The following OTUB2 variants were observed in gnomAD, a reference collection of about 807,000 sequenced individuals.
OTUB2 encodes the protein ubiquitin thioesterase OTUB2.
OTUB2 carries 21 observed loss-of-function variants against 25.1 expected under a neutral mutation model. The observed-to-expected ratio is 0.84, with a 90% CI of 0.59 to 1.21. OTUB2 has a LOEUF of 1.21. Among genes scored for constraint, OTUB2 ranks in the 50% most tolerant of loss-of-function variants. The pLI is 0.00. For missense variants in OTUB2, 283 were observed against 298.0 expected, an observed-to-expected ratio of 0.95 and a Z score of 0.37; for synonymous variants, 122 against 122.8, an observed-to-expected ratio of 0.99 and a Z score of 0.04.
At chr14:94,044,840 G>A in intron 5 of OTUB2, 60 bp downstream of exon 5, 2 of 1,523,054 alleles carry the variant, frequency 1.3e-6, no homozygotes, top group Non-Finnish European at 1.8e-6. Context: ...CTGTCCTGCA[G>A]ACTTCAGCAC....
chr14:94,032,328 A>G (rs1038701118), intron 1 of OTUB2, among the ~76,000 whole-genome samples: 1 of 152,214 alleles, frequency 6.6e-6, no homozygotes, highest in African/African-American at 2.4e-5. Context: ...GGAAAAAAAT[A>G]TCCAGAATAT....
intron 3 of OTUB2, among the ~76,000 whole-genome samples, chr14:94,042,609 T>C (rs1885185228): frequency 6.6e-6 from 1 of 152,088 alleles, no homozygotes; most frequent in Admixed American, 6.5e-5. Flanking sequence ...CTGCAGCTGC[T>C]TCCTGGAGCT....
intron 3 of OTUB2, 128 bp from the exon 4 acceptor site, chr14:94,043,843 G>A (rs1404350613): frequency 7.4e-6 from 6 of 806,194 alleles, no homozygotes; most frequent in African/African-American, 5.0e-5. Flanking sequence ...GGGCAGGGGC[G>A]GGAGGTTCTG....
chr14:94,031,378 C>A lies in OTUB2; in HGVS notation c.3+4838C>A, dbSNP rs574394141. ...GTCCATAGTGCTGGGCCCATGGCTG[C>A]GGGCTGCTTGAGGAGTCCTTAGGTA... On this transcript the variant is annotated intron_variant, in intron 1 of 5. Coordinates refer to ENST00000203664, the MANE Select transcript of OTUB2 (RefSeq NM_023112.4). Among the ~76,000 whole-genome samples, 47 of 152,294 alleles carry A rather than the reference C, an allele frequency of 3.1e-4. No individual in the cohort carries two copies. In the South Asian group the frequency reaches 8.7e-3, roughly 28 times the overall value.
Position 94,048,444 on chromosome 14 carries a change from T to G in OTUB2, c.*2522T>G, listed in dbSNP as rs1162957060. The G allele has an allele frequency of 6.6e-6, 1 of 152,308 alleles. No individual in the cohort carries two copies. The highest frequency in any genetic ancestry group is 1.9e-4 in the East Asian group (1 of 5,190). The allele number at this position is 152,308 out of a possible 1,614,324, so 9.4% of individuals were successfully genotyped here. ...AGCTCTGGAGCCAGAATGCCAGGGTTCTAACTTCAGCATTCACTTACTAGC... is the reference window on the plus strand; with the variant it reads ...AGCTCTGGAGCCAGAATGCCAGGGTGCTAACTTCAGCATTCACTTACTAGC... On this transcript the variant is annotated 3_prime_UTR_variant, in exon 6 of 6. Coordinates refer to ENST00000203664, the MANE Select transcript of OTUB2 (RefSeq NM_023112.4).
intron 3 of OTUB2, among the ~76,000 whole-genome samples, chr14:94,042,033 T>C (rs1885170676): frequency 6.6e-6 from 1 of 152,190 alleles, no homozygotes; most frequent in Non-Finnish European, 1.5e-5. Context: ...AGGCAGACAC[T>C]TGTTCTCTGC....
chr14:94,028,147 C>T (rs921818931), intron 1 of OTUB2, among the ~76,000 whole-genome samples: 3 of 152,202 alleles, frequency 2.0e-5, no homozygotes, highest in Non-Finnish European at 4.4e-5. Context: ...CACCCCTCAC[C>T]GGGGGCTTGG....
chr14:94,026,632 G>A (rs555946819), intron 1 of OTUB2, 92 bp downstream of exon 1: 2 of 1,193,524 alleles, frequency 1.7e-6, no homozygotes, highest in Middle Eastern at 3.2e-4. Flanking sequence ...CGGGACGGGG[G>A]TCGGACGCGA....
Position 94,046,131 on chromosome 14 carries a change from GCTTT to G in OTUB2, c.*212_*215del, listed in dbSNP as rs1885271308. 4.6e-6 allele frequency: 3 copies of G among 648,010 alleles called. No homozygotes were observed. The East Asian group carries it at 8.2e-5, about 18-fold the overall frequency. 40.1% of individuals were successfully genotyped at this position (648,010 alleles called of 1,614,324 possible). A position where few individuals can be genotyped will look rare whatever the true frequency, so the allele number is the denominator to read the frequency against. Reference sequence around the variant, plus strand: ...TATTTATTTTAATGGAGGGACAAATGCTTTCTAACTGGGCCCCCGACTCCGCACC... The same window carrying G: ...TATTTATTTTAATGGAGGGACAAATGCTAACTGGGCCCCCGACTCCGCACC... On this transcript the variant is annotated 3_prime_UTR_variant, in exon 6 of 6. Transcript: ENST00000203664.
chr14:94,044,690 C>T lies in OTUB2; in HGVS notation c.408C>T (p.Arg136=). ...SASDHIVQFL[R]LLTSAFIRNR... ...CGGACCACATCGTGCAGTTCCTGCGCCTGCTCACGTCGGCCTTCATCAGGA... is the reference window on the plus strand; with the variant it reads ...CGGACCACATCGTGCAGTTCCTGCGTCTGCTCACGTCGGCCTTCATCAGGA... The change falls in exon 5 of 6, where the codon CGC becomes CGT. Residue 136 remains arginine (R), a synonymous_variant. Transcript: ENST00000203664. 6.2e-7 allele frequency: 1 copy of T among 1,614,208 alleles called. No individual in the cohort carries two copies. Among genetic ancestry groups the T allele is most frequent in the Non-Finnish European group, 8.5e-7 (1 of 1,180,040 alleles).
At chr14:94,035,363 C>T (rs1885035227) in intron 1 of OTUB2, among the ~76,000 whole-genome samples, 1 of 144,292 alleles carries the variant, frequency 6.9e-6, no homozygotes, top group African/African-American at 2.6e-5. Flanking sequence ...AATCTTGGCT[C>T]ACTACAACCT....
intron 1 of OTUB2, among the ~76,000 whole-genome samples, chr14:94,027,189 C>A (rs1464100111): frequency 3.3e-5 from 5 of 152,346 alleles, no homozygotes. Context: ...ACCCTCTGAG[C>A]CAGGCTAACC....
At chr14:94,039,612 A>AT in intron 3 of OTUB2, among the ~76,000 whole-genome samples, 1 of 110,904 alleles carries the variant, frequency 9.0e-6, no homozygotes, top group South Asian at 2.6e-4. Flanking sequence ...GTCCATAGCA[A>AT]GAAAAAAAAA....
intron 3 of OTUB2, among the ~76,000 whole-genome samples, chr14:94,042,776 C>T (rs1885188141): frequency 6.6e-6 from 1 of 152,208 alleles, no homozygotes; most frequent in African/African-American, 2.4e-5. Flanking sequence ...GGTACCACTG[C>T]AGTGGAGGCC....
intron 3 of OTUB2, 94 bp downstream of exon 3, chr14:94,039,175 T>G: frequency 1.0e-6 from 1 of 997,564 alleles, no homozygotes; most frequent in Non-Finnish European, 1.5e-6. Flanking sequence ...CTCAGGCTGG[T>G]TAACCCAGAG....
chr14:94,030,259 T>G (rs1193314584), intron 1 of OTUB2, among the ~76,000 whole-genome samples: 4 of 138,088 alleles, frequency 2.9e-5, no homozygotes, highest in Non-Finnish European at 6.2e-5. Flanking sequence ...CTTGGACCAA[T>G]GGGGAGGTCG....
intron 1 of OTUB2, among the ~76,000 whole-genome samples, chr14:94,033,326 G>A (rs545085550): frequency 6.6e-6 from 1 of 152,128 alleles, no homozygotes; most frequent in Non-Finnish European, 1.5e-5. Context: ...CCTGGCATAG[G>A]TGCCACCCCC....
chr14:94,037,525 T>C, intron 2 of OTUB2, 50 bp downstream of exon 2: 2 of 1,399,848 alleles, frequency 1.4e-6, no homozygotes, highest in Non-Finnish European at 2.0e-6. Context: ...CAGGCTGGAG[T>C]TGGGAGTGTA....
chr14:94,044,518 G>A (rs1317669917), intron 4 of OTUB2, 68 bp from the exon 5 acceptor site: 10 of 1,489,984 alleles, frequency 6.7e-6, no homozygotes, highest in East Asian at 4.6e-5. Flanking sequence ...GGGAGGGAGC[G>A]GAGGGAGAAT....
Sources: allele counts gnomAD v4.1 joint callset (sites outside exome capture counted in the v4.1 genomes callset), GRCh38; gene constraint gnomAD v4.1.1; transcripts MANE v1.5; gene names NCBI Gene and HGNC (gene_info 2026-07-23, HGNC 2026-07-21).